GAK: variants seen among roughly 807,000 people sequenced by gnomAD.
The protein encoded by GAK is cyclin-G-associated kinase.
GAK carries 79 observed loss-of-function variants against 143.9 expected under a neutral mutation model. That is an observed-to-expected ratio of 0.55 (90% CI 0.46 to 0.66). The LOEUF is 0.66. Ranked by LOEUF, GAK falls within the 30% of genes least tolerant of loss-of-function variation. GAK has a pLI of 0.00. For missense variants in GAK, 1,693 were observed against 1,779.7 expected (o/e 0.95, Z 0.88); for synonymous variants, 881 against 765.5 (o/e 1.15, Z -2.49).
intron 15 of GAK, among the ~76,000 whole-genome samples, 196 bp from the exon 16 acceptor site, chr4:878,005 T>C (rs1030424376): frequency 1.3e-5 from 2 of 152,222 alleles, no homozygotes; most frequent in African/African-American, 2.4e-5. Flanking sequence ...ATATGTATTT[T>C]TAAGACAGAG....
chr4:898,255 G>A lies in GAK; in HGVS notation c.526-97C>T, dbSNP rs147866169. ...GTGTGAGACACAGCCAGGGCCCTTC[G>A]CAGACAGCACTCGCCCAGGGCCACG... is the stretch of plus-strand genomic sequence containing the variant. On this transcript the variant is annotated intron_variant, in intron 5 of 27. Coordinates refer to ENST00000314167, the MANE Select transcript of GAK (RefSeq NM_005255.4). The A allele has an allele frequency of 3.1e-4, 452 of 1,437,004 alleles. 2 individuals carry two copies. The East Asian group carries it at 0.01, about 32-fold the overall frequency. 89.0% of individuals were successfully genotyped at this position (1,437,004 alleles called of 1,614,324 possible). A position where few individuals can be genotyped will look rare whatever the true frequency, so the allele number is the denominator to read the frequency against.
In GAK at chr4:904,698, G is replaced by A. The variant is rs1431072979; in HGVS notation, c.464C>T (p.Thr155Met). ...GTGCATGTGCTGCACGGCGCGGCAC[G>A]TCTGGTAGAAGATCTTCAGAACCGT... Reference protein sequence around the residue: ...CDTVLKIFYQTCRAVQHMHRQ... With the variant: ...CDTVLKIFYQMCRAVQHMHRQ... The change falls in exon 5 of 28, where the codon ACG (threonine) becomes ATG (methionine). Residue 155 changes from threonine (T) to methionine (M), a missense_variant. Thr to Met is a moderately conservative substitution (Grantham distance 81, BLOSUM62 -1). Around this residue, in one of 2 missense-constraint regions of GAK, gnomAD observed 871 missense variants for 991.0 expected, o/e 0.88. Coordinates refer to ENST00000314167, the MANE Select transcript of GAK (RefSeq NM_005255.4). The A allele has an allele frequency of 2.4e-5, 39 of 1,613,766 alleles. No homozygotes were observed. The highest frequency in any genetic ancestry group is 3.1e-5 in the Non-Finnish European group (37 of 1,179,890).
chr4:890,212 A>G (rs1183447134), intron 10 of GAK, among the ~76,000 whole-genome samples: 2 of 152,132 alleles, frequency 1.3e-5, no homozygotes, highest in Non-Finnish European at 2.9e-5. Flanking sequence ...TGCCTCCCAC[A>G]TAACCCCTGA....
In GAK at chr4:849,742, C is replaced by T. The variant is rs780303026; in HGVS notation, c.3867G>A (p.Lys1289=). 2 of 1,613,362 alleles carry T rather than the reference C, an allele frequency of 1.2e-6. No homozygotes were observed. Residue 1289 remains lysine (K), a synonymous_variant, in exon 28 of 28, where the codon AAG becomes AAA. Coordinates refer to ENST00000314167, the MANE Select transcript of GAK (RefSeq NM_005255.4). ...AAGQPYEQHA[K]MIFMELNDAW... Reference sequence around the variant, plus strand: ...CGTCATTCAGCTCCATGAAGATCATCTTGGCGTGCTGCTCGTACGGCTGCC... The same window carrying T: ...CGTCATTCAGCTCCATGAAGATCATTTTGGCGTGCTGCTCGTACGGCTGCC...
intron 13 of GAK, 105 bp downstream of exon 13, chr4:883,210 G>T: frequency 7.4e-7 from 1 of 1,359,756 alleles, no homozygotes; most frequent in Non-Finnish European, 1.0e-6. Context: ...ACCTCCGGCC[G>T]CCCCCATCAC....
At chr4:864,649 G>T (rs1159637012) in intron 23 of GAK, among the ~76,000 whole-genome samples, 1 of 151,964 alleles carries the variant, frequency 6.6e-6, no homozygotes, top group Non-Finnish European at 1.5e-5. Context: ...TCGCAAACAC[G>T]ACTGCTGTAC....
rs376665583 is a variant in GAK, at chr4:852,471, G to A, written c.3284-497C>T. 1.3e-3 allele frequency: 218 copies of A among 170,778 alleles called. 2 individuals carry two copies. Among genetic ancestry groups the A allele is most frequent in the African/African-American group, 4.9e-3 (204 of 41,554 alleles). The allele number at this position is 170,778 out of a possible 1,614,324, so 10.6% of individuals were successfully genotyped here. On this transcript the variant is annotated intron_variant, in intron 24 of 27. Transcript: ENST00000314167. ...CTTTTTTTTTTTGAGACGGAATCTC[G>A]CTCTGTCACCCAGGCTGGAGTGCAG...
At position 849,692 on chromosome 4, in the gene GAK, C is replaced by A. The variant is rs1305430685; in HGVS notation, c.3917G>T (p.Gly1306Val). ...NDAWSEFENQ[G>V]SRPLF ...GCGGCCTCAGAAGAGGGGCCGGGAG[C>A]CCTGGTTCTCAAACTCCGACCAGGC... The change falls in exon 28 of 28, where the codon GGC becomes GTC. Residue 1306 changes from glycine to valine, a missense_variant. Gly to Val is a moderately radical substitution (Grantham distance 109). Around this residue, in one of 2 missense-constraint regions of GAK, gnomAD observed 822 missense variants for 788.7 expected, o/e 1.04. Coordinates refer to ENST00000314167, the MANE Select transcript of GAK (RefSeq NM_005255.4). 1 of 1,612,824 alleles carries A rather than the reference C, an allele frequency of 6.2e-7. No individual in the cohort carries two copies. The highest frequency in any genetic ancestry group is 2.2e-5 in the East Asian group (1 of 44,852).
intron 15 of GAK, among the ~76,000 whole-genome samples, chr4:880,713 C>T (rs1308468572): frequency 6.6e-6 from 1 of 152,200 alleles, no homozygotes; most frequent in African/African-American, 2.4e-5. Flanking sequence ...ACCTGACTCT[C>T]CTTAGATTCT....
intron 21 of GAK, among the ~76,000 whole-genome samples, 192 bp downstream of exon 21, chr4:866,764 G>A (rs534381300): frequency 1.3e-5 from 2 of 152,202 alleles, no homozygotes; most frequent in Non-Finnish European, 2.9e-5. Flanking sequence ...GAAGCCAGTA[G>A]CTCCCGGCCC....
rs368363525 is a variant in GAK, at chr4:902,036, G to A, written c.525+2601C>T. 1.1e-4 allele frequency among the ~76,000 whole-genome samples: 16 copies of A among 152,262 alleles called. No individual in the cohort carries two copies. The East Asian group carries it at 1.2e-3, about 11-fold the overall frequency. On this transcript the variant is annotated intron_variant, in intron 5 of 27. Transcript: ENST00000314167. The stretch of plus-strand genomic sequence containing the variant: ...GAGGGTGACTTGAGGTCAGGAGTTC[G>A]AAACCAGCCTAGACAACATGGTGAA...
In GAK at chr4:877,665, G is replaced by A. The variant is rs767516802; in HGVS notation, c.1806C>T (p.Tyr602=). Residue 602 remains tyrosine (Y), a synonymous_variant, in exon 16 of 28, where the codon TAC becomes TAT. Transcript: ENST00000314167. ...RSGCRPFCEV[Y]VGDERVASTS... ...TGCTGGCCACACGCTCGTCCCCCAC[G>A]TAGACCTCGCAGAAGGGCCTGCAGC... 6.6e-5 allele frequency: 106 copies of A among 1,610,316 alleles called. No homozygotes were observed. The highest frequency in any genetic ancestry group is 8.8e-5 in the South Asian group (8 of 90,674).
At chr4:923,245 C>T (rs948273969) in intron 1 of GAK, among the ~76,000 whole-genome samples, 3 of 152,064 alleles carry the variant, frequency 2.0e-5, no homozygotes, top group African/African-American at 7.2e-5. Context: ...CGCGTGGGAA[C>T]CTACAATGAA....
intron 1 of GAK, among the ~76,000 whole-genome samples, chr4:920,200 C>T (rs1002182918): frequency 1.4e-5 from 2 of 146,384 alleles, no homozygotes; most frequent in East Asian, 2.1e-4. Flanking sequence ...CCCAGCTACT[C>T]GGGAGGCTGA....
intron 1 of GAK, among the ~76,000 whole-genome samples, chr4:915,119 TCAGCCCCAGCGTGCACGGCCCCACACACA>T (rs1312773849): frequency 4.4e-4 from 29 of 65,932 alleles, no homozygotes; most frequent in Non-Finnish European, 7.5e-4. Flanking sequence ...CCCCCCGCAC[TCAGCCCCAGCGTGCACGGCCCCACACACA>T]CAGCCCCAGT....
At chr4:887,201 A>ACTCACGCGTACACATGCACGCGG (rs1349952116) in intron 11 of GAK, 5 of 146,498 alleles carry the variant, frequency 3.4e-5, no homozygotes, top group Non-Finnish European at 7.5e-5. Context: ...CGGCTCGCGC[A>ACTCACGCGTACACATGCACGCGG]CTCACGCGTA....
At chr4:891,309 G>A (rs1717615171) in intron 9 of GAK, among the ~76,000 whole-genome samples, 1 of 149,764 alleles carries the variant, frequency 6.7e-6, no homozygotes, top group South Asian at 2.1e-4. Flanking sequence ...CTGTCTCCCA[G>A]GCTGGAGTGC....
At position 877,066 on chromosome 4, in the gene GAK, C is replaced by T. The variant is rs200388875; in HGVS notation, c.1974+24G>A. ...GAGCCTAGGCGTGAGTGGGGAGCACCGGGCAAGCCACAGGCTCTCTCACCT... is the reference window on the plus strand; with the variant it reads ...GAGCCTAGGCGTGAGTGGGGAGCACTGGGCAAGCCACAGGCTCTCTCACCT... On this transcript the variant is annotated intron_variant, in intron 17 of 27. Transcript: ENST00000314167. 4.2e-5 allele frequency: 65 copies of T among 1,531,194 alleles called. 1 individual carries two copies. In the East Asian group the frequency reaches 5.0e-4, roughly 12 times the overall value. The allele number at this position is 1,531,194 out of a possible 1,614,324, so 94.9% of individuals were successfully genotyped here.
chr4:904,802 T>G, intron 4 of GAK, 23 bp from the exon 5 acceptor site: 1 of 1,611,382 alleles, frequency 6.2e-7, no homozygotes, highest in East Asian at 2.2e-5. Context: ...GAAACTCACA[T>G]GGAGGCAGGA....
Sources: allele counts gnomAD v4.1 joint callset (sites outside exome capture counted in the v4.1 genomes callset), GRCh38; gene constraint gnomAD v4.1.1; regional missense constraint gnomAD v4.1.1; transcripts MANE v1.5; gene names NCBI Gene and HGNC (gene_info 2026-07-23, HGNC 2026-07-21).